The following CLCN5 variants were observed in gnomAD, a reference collection of about 807,000 sequenced individuals.
CLCN5 encodes the protein Cl-/H+ antiporter 5.
CLCN5 carries 17 observed loss-of-function variants against 54.0 expected under a neutral mutation model. The ratio of observed to expected loss-of-function variants is 0.31; its 90% CI spans 0.22 to 0.47. CLCN5 has a LOEUF of 0.47. Among genes scored for constraint, CLCN5 ranks in the 20% least tolerant of loss-of-function variants. The pLI, the probability that CLCN5 is intolerant of heterozygous loss-of-function variation, is 1.00. For missense variants in CLCN5, 448 were observed against 646.7 expected (o/e 0.69, Z 3.33); for synonymous variants, 222 against 233.0 (o/e 0.95, Z 0.43).
intron 4 of CLCN5, among the ~76,000 whole-genome samples, chrX:50,068,440 G>T (rs2147539607): frequency 9.0e-6 from 1 of 110,998 alleles, no homozygotes; most frequent in African/African-American, 3.3e-5. Context: ...CTTTGGTTGG[G>T]GTTTAAGATT....
At chrX:50,083,818 A>T (rs1486473129) in intron 9 of CLCN5, among the ~76,000 whole-genome samples, 6 of 112,304 alleles carry the variant, frequency 5.3e-5, no homozygotes, top group Admixed American at 9.4e-5. Context: ...TTTTTAAAAA[A>T]ATATTATAAT....
intron 7 of CLCN5, among the ~76,000 whole-genome samples, chrX:50,078,924 G>A (rs970581743): frequency 3.6e-5 from 4 of 111,883 alleles, no homozygotes; most frequent in Admixed American, 2.8e-4. Flanking sequence ...CCGGGTTCAC[G>A]CCATTCTCCT....
chrX:49,992,171 G>C (rs1027433032), intron 3 of CLCN5, among the ~76,000 whole-genome samples: 5 of 108,542 alleles, frequency 4.6e-5, no homozygotes, highest in African/African-American at 1.7e-4. Context: ...AAACGGTCCC[G>C]GGGTCTCTCT....
intron 3 of CLCN5, among the ~76,000 whole-genome samples, chrX:50,002,067 T>A (rs1343216174): frequency 3.6e-5 from 4 of 109,880 alleles, no homozygotes; most frequent in Non-Finnish European, 7.6e-5. Flanking sequence ...GAATTCTAAG[T>A]ATTAAAGAGA....
Position 49,922,684 on chromosome X carries a change from G to C in CLCN5, c.-313G>C, listed in dbSNP as rs1032230715. ...TGGGCTGTGTGAATGAAGCTCTGCC[G>C]GCTACGTGGGGCGCTCACTCAACTT... On this transcript the variant is annotated 5_prime_UTR_variant, in exon 1 of 15. Transcript: ENST00000376091. The C allele has an allele frequency of 8.8e-6, 1 of 113,084 alleles. No homozygotes were observed. The highest frequency in any genetic ancestry group is 9.2e-5 in the Admixed American group (1 of 10,871). The allele number at this position is 113,084 out of a possible 1,213,427, so 9.3% of individuals were successfully genotyped here. A position where few individuals can be genotyped will look rare whatever the true frequency, so the allele number is the denominator to read the frequency against.
intron 12 of CLCN5, among the ~76,000 whole-genome samples, chrX:50,089,598 A>G (rs782597891): frequency 1.6e-4 from 18 of 112,478 alleles, no homozygotes; most frequent in Non-Finnish European, 2.8e-4. Context: ...ACAAGAAGGC[A>G]TCTTGGACTG....
intron 5 of CLCN5, among the ~76,000 whole-genome samples, chrX:50,070,998 T>C (rs145993788): frequency 7.4e-4 from 82 of 111,085 alleles, no homozygotes; most frequent in Non-Finnish European, 1.4e-3. Context: ...AGGTATTATT[T>C]TTTTTTCTTT....
intron 4 of CLCN5, among the ~76,000 whole-genome samples, chrX:50,052,122 T>A (rs1300625482): frequency 9.0e-6 from 1 of 111,705 alleles, no homozygotes; most frequent in Non-Finnish European, 1.9e-5. Context: ...GGGAAAAGAG[T>A]CTAGTTTCTC....
At chrX:49,997,945 T>C (rs781991925) in intron 3 of CLCN5, among the ~76,000 whole-genome samples, 1 of 111,809 alleles carries the variant, frequency 8.9e-6, no homozygotes, top group Admixed American at 9.5e-5. Flanking sequence ...TAGCAGTTCC[T>C]TTCTGGCCTC....
At chrX:50,070,307 C>G (rs782800950) in intron 5 of CLCN5, among the ~76,000 whole-genome samples, 4 of 111,544 alleles carry the variant, frequency 3.6e-5, no homozygotes, top group Admixed American at 9.5e-5. Flanking sequence ...AATTTTTATC[C>G]TAAATTTAAA....
intron 3 of CLCN5, among the ~76,000 whole-genome samples, chrX:49,930,390 G>T (rs373211248): frequency 3.6e-5 from 4 of 112,170 alleles, no homozygotes; most frequent in Admixed American, 9.5e-5. Flanking sequence ...TATGCACAAA[G>T]ATGTATCAAT....
At chrX:50,079,793 G>A (rs185978104) in intron 7 of CLCN5, among the ~76,000 whole-genome samples, 1,357 of 110,802 alleles carry the variant, frequency 0.012, 17 homozygotes, top group African/African-American at 0.042. Context: ...GGGCATGGAG[G>A]AGGAGGAAAT....
chrX:49,986,282 A>C (rs1557178274), intron 3 of CLCN5, among the ~76,000 whole-genome samples: 1 of 111,658 alleles, frequency 9.0e-6, no homozygotes, highest in East Asian at 2.8e-4. Flanking sequence ...CTTCTTAAAC[A>C]ATTACAGTAA....
At chrX:49,952,368 C>CAA (rs368547198) in intron 3 of CLCN5, among the ~76,000 whole-genome samples, 1 of 83,586 alleles carries the variant, frequency 1.2e-5, no homozygotes, top group African/African-American at 4.4e-5. Flanking sequence ...TTTGGCTTTA[C>CAA]AAAAAAAAAA....
intron 3 of CLCN5, among the ~76,000 whole-genome samples, chrX:49,960,764 G>T (rs1318790484): frequency 1.8e-5 from 2 of 110,537 alleles, no homozygotes; most frequent in Non-Finnish European, 3.8e-5. Flanking sequence ...TTCTTAAAGA[G>T]CTTTTTATTC....
intron 3 of CLCN5, chrX:50,009,706 C>T (rs1930392376): frequency 5.2e-6 from 2 of 384,803 alleles, no homozygotes; most frequent in Admixed American, 2.5e-5. Flanking sequence ...GTGCAGGTGC[C>T]TGAGTCTTCT....
At chrX:49,957,834 G>A (rs1258343370) in intron 3 of CLCN5, among the ~76,000 whole-genome samples, 1 of 111,987 alleles carries the variant, frequency 8.9e-6, no homozygotes, top group East Asian at 2.8e-4. Context: ...GTACAGGGAA[G>A]TCTCATGTAC....
At chrX:50,054,107 A>G (rs1330938869) in intron 4 of CLCN5, among the ~76,000 whole-genome samples, 1 of 110,775 alleles carries the variant, frequency 9.0e-6, no homozygotes, top group African/African-American at 3.3e-5. Flanking sequence ...TAATTTTATA[A>G]TCCTCTGATT....
rs1265401254 is a variant in CLCN5, at chrX:50,042,523, T to A, written c.163+61T>A. 6.0e-5 allele frequency: 48 copies of A among 796,564 alleles called. No homozygotes were observed. The Admixed American group carries it at 2.4e-3, about 40-fold the overall frequency. 65.6% of individuals were successfully genotyped at this position (796,564 alleles called of 1,213,427 possible). A position where few individuals can be genotyped will look rare whatever the true frequency, so the allele number is the denominator to read the frequency against. Reference sequence around the variant, plus strand: ...TTTAAAATTTATGTACAATAAAATTTTATTTTTTTTTAATTTTATTTTCTA... The same window carrying A: ...TTTAAAATTTATGTACAATAAAATTATATTTTTTTTTAATTTTATTTTCTA... On this transcript the variant is annotated intron_variant, in intron 4 of 14. Coordinates refer to ENST00000376091, the MANE Select transcript of CLCN5 (RefSeq NM_001127898.4).
Sources: gnomAD v4.1 joint callset for allele counts (sites outside exome capture counted in the v4.1 genomes callset) on GRCh38, gnomAD v4.1.1 for gene constraint, MANE v1.5 for transcripts, NCBI Gene and HGNC (gene_info 2026-07-23, HGNC 2026-07-21) for gene names.